CTNND2: variants seen among roughly 807,000 people sequenced by gnomAD.
CTNND2 encodes the protein catenin delta-2.
A neutral mutation model predicts 144.4 loss-of-function variants in CTNND2; 22 were observed. The ratio of observed to expected loss-of-function variants is 0.15; its 90% CI spans 0.11 to 0.22. The LOEUF is 0.22. Among genes scored for constraint, CTNND2 ranks in the 10% least tolerant of loss-of-function variants. CTNND2 has a pLI of 1.00. For missense variants in CTNND2, 1,353 were observed against 1,618.8 expected (o/e 0.84, Z 2.82); for synonymous variants, 751 against 695.6 (o/e 1.08, Z -1.25).
intron 9 of CTNND2, among the ~76,000 whole-genome samples, chr5:11,308,685 G>A (rs1412939763): frequency 6.6e-6 from 1 of 152,234 alleles, no homozygotes; most frequent in Non-Finnish European, 1.5e-5. Flanking sequence ...CAGGGCAAAA[G>A]TAATCAGAAG....
intron 11 of CTNND2, among the ~76,000 whole-genome samples, chr5:11,178,949 T>A (rs956707835): frequency 6.6e-6 from 1 of 152,204 alleles, no homozygotes; most frequent in African/African-American, 2.4e-5. Context: ...TTATTTAAAA[T>A]TACCCCACTG....
At chr5:11,335,029 C>T (rs1753596226) in intron 9 of CTNND2, among the ~76,000 whole-genome samples, 1 of 152,162 alleles carries the variant, frequency 6.6e-6, no homozygotes, top group African/African-American at 2.4e-5. Context: ...ATCTTCTTCT[C>T]TTTCTTACCT....
chr5:11,878,453 G>A (rs1052762600), intron 1 of CTNND2, among the ~76,000 whole-genome samples: 1 of 152,154 alleles, frequency 6.6e-6, no homozygotes, highest in Non-Finnish European at 1.5e-5. Context: ...TGTACCTTCA[G>A]TTTACTTCAA....
chr5:11,029,501 T>A (rs1039491092), intron 16 of CTNND2, among the ~76,000 whole-genome samples: 1 of 152,246 alleles, frequency 6.6e-6, no homozygotes, highest in Non-Finnish European at 1.5e-5. Flanking sequence ...ATTATACCAT[T>A]ATAATTTGAA....
chr5:11,698,808 A>C (rs1055729281), intron 2 of CTNND2, among the ~76,000 whole-genome samples: 15 of 152,066 alleles, frequency 9.9e-5, no homozygotes, highest in Admixed American at 6.6e-5. Context: ...TGTCCAGTTC[A>C]ATCCATTAAA....
intron 1 of CTNND2, among the ~76,000 whole-genome samples, chr5:11,858,702 G>C (rs1795361073): frequency 6.6e-6 from 1 of 152,198 alleles, no homozygotes; most frequent in Non-Finnish European, 1.5e-5. Context: ...AGCTGAGGTG[G>C]GTGGATCACG....
intron 2 of CTNND2, among the ~76,000 whole-genome samples, chr5:11,674,752 A>G (rs1459494458): frequency 1.5e-5 from 2 of 136,296 alleles, no homozygotes; most frequent in African/African-American, 3.3e-5. Context: ...TTTGAGACAG[A>G]GTCTTCCTCT....
intron 2 of CTNND2, among the ~76,000 whole-genome samples, chr5:11,568,948 C>T (rs1393040305): frequency 6.6e-6 from 1 of 152,054 alleles, no homozygotes; most frequent in Non-Finnish European, 1.5e-5. Flanking sequence ...ATATGTAGTA[C>T]TAAACTAATT....
chr5:11,106,611 TG>T (rs1376808130), intron 14 of CTNND2, among the ~76,000 whole-genome samples: 2 of 152,224 alleles, frequency 1.3e-5, no homozygotes, highest in Non-Finnish European at 2.9e-5. Context: ...GTTGGGTTTT[TG>T]TTCACTACCA....
intron 2 of CTNND2, among the ~76,000 whole-genome samples, chr5:11,633,709 G>C (rs1025310381): frequency 1.3e-4 from 19 of 150,912 alleles, no homozygotes; most frequent in African/African-American, 4.6e-4. Context: ...CTGAGAGGCA[G>C]AGTTTGCAGT....
At chr5:11,287,248 C>G (rs535046327) in intron 9 of CTNND2, among the ~76,000 whole-genome samples, 1 of 152,010 alleles carries the variant, frequency 6.6e-6, no homozygotes, top group Non-Finnish European at 1.5e-5. Flanking sequence ...TTAAGTAAGG[C>G]AGATAACCCA....
intron 2 of CTNND2, among the ~76,000 whole-genome samples, chr5:11,648,673 A>G (rs886222777): frequency 6.6e-6 from 1 of 152,154 alleles, no homozygotes; most frequent in Non-Finnish European, 1.5e-5. Context: ...CTCATGATCT[A>G]TAATTTCAAC....
chr5:10,999,729 G>GAGAT (rs1357554604), intron 18 of CTNND2, among the ~76,000 whole-genome samples: 1 of 152,106 alleles, frequency 6.6e-6, no homozygotes, highest in Admixed American at 6.6e-5. Context: ...CAAGTATATA[G>GAGAT]AGATAGAAAT....
intron 1 of CTNND2, among the ~76,000 whole-genome samples, chr5:11,768,949 C>A (rs1789757039): frequency 6.6e-6 from 1 of 152,124 alleles, no homozygotes; most frequent in Non-Finnish European, 1.5e-5. Flanking sequence ...CATAATCCAG[C>A]CCATTTCTCA....
At chr5:11,191,328 C>A (rs1736221623) in intron 11 of CTNND2, among the ~76,000 whole-genome samples, 3 of 152,178 alleles carry the variant, frequency 2.0e-5, no homozygotes, top group Admixed American at 6.5e-5. Context: ...TAACAAACCA[C>A]AGGACAGTGG....
intron 2 of CTNND2, among the ~76,000 whole-genome samples, chr5:11,579,705 A>C (rs1778265987): frequency 6.6e-6 from 1 of 152,222 alleles, no homozygotes; most frequent in Non-Finnish European, 1.5e-5. Flanking sequence ...GAATTCATGT[A>C]CAAAGTATAA....
At chr5:11,158,825 C>T (rs1320360067) in intron 12 of CTNND2, among the ~76,000 whole-genome samples, 1 of 152,176 alleles carries the variant, frequency 6.6e-6, no homozygotes, top group Admixed American at 6.5e-5. Flanking sequence ...TTGCCCCTAT[C>T]CCAGCAATTT....
At chr5:11,411,040 T>G (rs1300687275) in intron 5 of CTNND2, among the ~76,000 whole-genome samples, 1 of 152,026 alleles carries the variant, frequency 6.6e-6, no homozygotes, top group East Asian at 1.9e-4. Context: ...CCTGGCTAGT[T>G]TTTTTGTAGT....
intron 2 of CTNND2, among the ~76,000 whole-genome samples, chr5:11,570,638 CTTTTTTCTTTTT>C (rs1350256579): frequency 6.6e-6 from 1 of 151,144 alleles, no homozygotes; most frequent in Admixed American, 6.6e-5. Flanking sequence ...GTTTTCTTTT[CTTTTTTCTTTTT>C]TTTTTATGAA....
Sources: allele counts gnomAD v4.1 joint callset (sites outside exome capture counted in the v4.1 genomes callset), GRCh38; gene constraint gnomAD v4.1.1; transcripts MANE v1.5; gene names NCBI Gene and HGNC (gene_info 2026-07-23, HGNC 2026-07-21).